Variants in MLC1 observed in about 807,000 individuals in gnomAD.
MLC1 encodes the protein membrane protein MLC1.
A neutral mutation model predicts 44.7 loss-of-function variants in MLC1; 32 were observed. That is an observed-to-expected ratio of 0.72 (90% CI 0.54 to 0.96). MLC1 has a LOEUF of 0.96. Ranked by LOEUF, MLC1 falls within the 40% of genes least tolerant of loss-of-function variation. The probability of loss-of-function intolerance (pLI) is 0.00; values close to 1 mark genes in which losing one functional copy is unlikely to be tolerated. For synonymous variants in MLC1, 190 were observed against 213.0 expected, an observed-to-expected ratio of 0.89 and a Z score of 0.94; for missense variants, 459 against 492.2, an observed-to-expected ratio of 0.93 and a Z score of 0.64.
chr22:50,070,966 G>T (rs1464745451), intron 8 of MLC1, among the ~76,000 whole-genome samples: 1 of 152,146 alleles, frequency 6.6e-6, no homozygotes, highest in Admixed American at 6.5e-5. Flanking sequence ...TGCTGGCTGA[G>T]CCCAGGGCAC....
intron 7 of MLC1, among the ~76,000 whole-genome samples, chr22:50,075,486 C>T (rs1032978451): frequency 1.3e-5 from 2 of 152,096 alleles, no homozygotes; most frequent in Admixed American, 6.6e-5. Flanking sequence ...CCGAGGCAGA[C>T]GGATCGTGAG....
At position 50,083,273 on chromosome 22, in the gene MLC1, C is replaced by T. The variant is rs2062193158; in HGVS notation, c.178-100G>A. The stretch of plus-strand genomic sequence containing the variant: ...CTTCACTGTCTGTGTATTGGTGACT[C>T]ACCCACGTCCCCCAGCATCAACCAC... On this transcript the variant is annotated intron_variant, in intron 2 of 11. Coordinates refer to ENST00000311597, the MANE Select transcript of MLC1 (RefSeq NM_015166.4). This position sits in a 1 kb window ranked among gnomAD's most constrained non-coding sequence, Gnocchi z 4.6. 2 of 1,063,372 alleles carry T rather than the reference C, an allele frequency of 1.9e-6. No homozygotes were observed. Among genetic ancestry groups the T allele is most frequent in the Admixed American group, 1.9e-5 (1 of 53,516 alleles). The allele number at this position is 1,063,372 out of a possible 1,614,324, so 65.9% of individuals were successfully genotyped here.
rs1189650433 is a variant in MLC1 at position 50,083,790 on chromosome 22, C to A, written c.178-617G>T. 6.6e-6 allele frequency among the ~76,000 whole-genome samples: 1 copy of A among 152,168 alleles called. No individual in the cohort carries two copies. The highest frequency in any genetic ancestry group is 2.4e-5 in the African/African-American group (1 of 41,436). ...TGAGGGGAGTCAGTATCAAAGGTCACTGGGACCCAGGGTCCTGGCAGAGGA... is the reference window on the plus strand; with the variant it reads ...TGAGGGGAGTCAGTATCAAAGGTCAATGGGACCCAGGGTCCTGGCAGAGGA... On this transcript the variant is annotated intron_variant, in intron 2 of 11. Coordinates refer to ENST00000311597, the MANE Select transcript of MLC1 (RefSeq NM_015166.4). The surrounding 1 kb of genome is among the most constrained non-coding windows in gnomAD (Gnocchi z 4.6).
intron 1 of MLC1, 133 bp downstream of exon 1, chr22:50,085,222 A>G: frequency 8.0e-7 from 1 of 1,247,406 alleles, no homozygotes; most frequent in African/African-American, 1.5e-5. Flanking sequence ...AACACCTGAC[A>G]ACATCCATCG....
chr22:50,073,095 C>T (rs878909783), intron 8 of MLC1, among the ~76,000 whole-genome samples: 71 of 117,424 alleles, frequency 6.0e-4, no homozygotes, highest in East Asian at 1.7e-3. Context: ...CCGGCCATAC[C>T]ATTCCCGGGC....
intron 8 of MLC1, among the ~76,000 whole-genome samples, chr22:50,071,931 C>G (rs2061862070): frequency 6.6e-5 from 10 of 152,142 alleles, no homozygotes; most frequent in Admixed American, 6.5e-4. Context: ...CAGAGATGGG[C>G]TCCGAGCAGG....
In MLC1 at chr22:50,064,193, G is replaced by A. The variant is rs2146773198; in HGVS notation, c.900C>T (p.Ser300=). The A allele has an allele frequency of 6.3e-7, 1 of 1,597,156 alleles. No homozygotes were observed. The part of the protein sequence containing the change: ...FKDYPPAIKP[S]YDVLLLLLLL... ...GCAGCAGCAGCAGCAGCACATCGTA[G>A]GATGGCTGCAGGCGGAAGGAGGTGT... The change falls in exon 11 of 12, where the codon TCC becomes TCT. Residue 300 remains serine, a synonymous_variant. Transcript: ENST00000311597.
Position 50,084,981 on chromosome 22 carries a change from G to A in MLC1, c.-59-20C>T, listed in dbSNP as rs528247176. 57 of 1,579,894 alleles carry A rather than the reference G, an allele frequency of 3.6e-5. No homozygotes were observed. The South Asian group carries it at 4.8e-4, about 13-fold the overall frequency. ...CTTTATCTGGAATAAAATTATCATC[G>A]GCTTTGGCCACTCTGAGGAAACTTC... is the stretch of plus-strand genomic sequence containing the variant. On this transcript the variant is annotated intron_variant, in intron 1 of 11. Coordinates refer to ENST00000311597, the MANE Select transcript of MLC1 (RefSeq NM_015166.4).
chr22:50,080,423 GC>G (rs752775748), intron 3 of MLC1, 26 bp from the exon 4 acceptor site: 87 of 1,590,214 alleles, frequency 5.5e-5, no homozygotes, highest in Non-Finnish European at 7.1e-5. Flanking sequence ...AATCCCATGA[GC>G]CTGCCGCTCA....
chr22:50,069,171 C>T (rs938867883), intron 9 of MLC1, among the ~76,000 whole-genome samples: 4 of 151,992 alleles, frequency 2.6e-5, no homozygotes, highest in Admixed American at 6.6e-5. Context: ...GGATTACAGA[C>T]ATGCGCCACC....
intron 8 of MLC1, among the ~76,000 whole-genome samples, chr22:50,073,206 G>A (rs2061900284): frequency 6.6e-6 from 1 of 152,276 alleles, no homozygotes; most frequent in African/African-American, 2.4e-5. Context: ...CCCAGGAGGA[G>A]CCTGTAGCTG....
At chr22:50,062,170 C>T (rs2061576349) in intron 11 of MLC1, among the ~76,000 whole-genome samples, 1 of 145,998 alleles carries the variant, frequency 6.8e-6, no homozygotes, top group Non-Finnish European at 1.5e-5. Flanking sequence ...CCCAGCCGTC[C>T]ACCCTAAGCC....
At chr22:50,077,093 T>A (rs1434875507) in intron 6 of MLC1, among the ~76,000 whole-genome samples, 181 bp from the exon 7 acceptor site, 3 of 152,174 alleles carry the variant, frequency 2.0e-5, no homozygotes, top group African/African-American at 7.2e-5. Flanking sequence ...TCCTTGCATA[T>A]GAAAATTAGC....
chr22:50,070,674 G>C, intron 8 of MLC1, 91 bp from the exon 9 acceptor site: 1 of 1,358,728 alleles, frequency 7.4e-7, no homozygotes, highest in Non-Finnish European at 1.0e-6. Flanking sequence ...ACCCCTCCAT[G>C]CAGGCTGCCT....
At chr22:50,073,433 AG>A (rs2061906392) in intron 8 of MLC1, among the ~76,000 whole-genome samples, 1 of 152,046 alleles carries the variant, frequency 6.6e-6, no homozygotes, top group African/African-American at 2.4e-5. Context: ...TGGGGTGTGG[AG>A]GGGTTGCTCT....
chr22:50,070,649 G>T (rs1004983804), intron 8 of MLC1, 66 bp from the exon 9 acceptor site: 16 of 1,494,272 alleles, frequency 1.1e-5, no homozygotes, highest in Non-Finnish European at 1.5e-5. Flanking sequence ...CCAAACATGT[G>T]CCCTCCCACC....
rs148160537 is a variant in MLC1, at chr22:50,061,368, G to T, written c.*215C>A. ...TGCTGTTACGACACGGGAGCCACTC[G>T]GAGCTGACTGATCTCACTGAGGCAC... is the stretch of plus-strand genomic sequence containing the variant. On this transcript the variant is annotated 3_prime_UTR_variant, in exon 12 of 12. Coordinates refer to ENST00000311597, the MANE Select transcript of MLC1 (RefSeq NM_015166.4). The T allele has an allele frequency of 3.3e-6, 2 of 602,414 alleles. No individual in the cohort carries two copies. Among genetic ancestry groups the T allele is most frequent in the African/African-American group, 3.7e-5 (2 of 54,190 alleles). The allele number at this position is 602,414 out of a possible 1,614,324, so 37.3% of individuals were successfully genotyped here.
In MLC1 at chr22:50,067,054, G is replaced by T. The variant is rs2061717342; in HGVS notation, c.894+1379C>A. The stretch of plus-strand genomic sequence containing the variant: ...GGCTCACTCAGGAGATGGCCCCTGG[G>T]TGGTAATATTGTCTCTTGTAATCGT... On this transcript the variant is annotated intron_variant, in intron 10 of 11. Transcript: ENST00000311597. Among the ~76,000 whole-genome samples, 4 of 152,154 alleles carry T rather than the reference G, an allele frequency of 2.6e-5. No individual in the cohort carries two copies. In the South Asian group the frequency reaches 8.3e-4, roughly 31 times the overall value.
intron 3 of MLC1, among the ~76,000 whole-genome samples, chr22:50,081,678 A>C (rs2062145304): frequency 6.6e-6 from 1 of 152,252 alleles, no homozygotes; most frequent in Non-Finnish European, 1.5e-5. Context: ...GAGGCAGAAG[A>C]AGCCCCGTCG....
Sources: gnomAD v4.1 joint callset for allele counts (sites outside exome capture counted in the v4.1 genomes callset) on GRCh38, gnomAD v4.1.1 for gene constraint, Gnocchi (gnomAD v3.1) non-coding constraint, MANE v1.5 for transcripts, NCBI Gene and HGNC (gene_info 2026-07-23, HGNC 2026-07-21) for gene names.